Variants in ZNF367 observed in about 807,000 individuals in gnomAD.
ZNF367 encodes the protein zinc finger protein 367, also known as C2H2 zinc finger protein ZFF29.
A neutral mutation model predicts 31.8 loss-of-function variants in ZNF367; 11 were observed. The ratio of observed to expected loss-of-function variants is 0.35; its 90% CI spans 0.22 to 0.57. The LOEUF (loss-of-function observed/expected upper bound fraction) is 0.57, where lower values mean the gene tolerates loss of function less well. ZNF367 is among the 20% of genes least tolerant of loss of function. The pLI, the probability that ZNF367 is intolerant of heterozygous loss-of-function variation, is 0.85. For missense variants in ZNF367, 353 were observed against 484.1 expected, an observed-to-expected ratio of 0.73 and a Z score of 2.54; for synonymous variants, 199 against 202.4, an observed-to-expected ratio of 0.98 and a Z score of 0.14.
intron 4 of ZNF367, 116 bp from the exon 5 acceptor site, chr9:96,388,575 G>C: frequency 2.1e-6 from 2 of 938,600 alleles, no homozygotes; most frequent in Non-Finnish European, 1.6e-6. Flanking sequence ...AGTTTATAAA[G>C]TTATAAAGTG....
intron 1 of ZNF367, among the ~76,000 whole-genome samples, chr9:96,408,055 C>T (rs1340769945): frequency 6.6e-6 from 1 of 151,954 alleles, no homozygotes; most frequent in Non-Finnish European, 1.5e-5. Flanking sequence ...ACACACCGGG[C>T]CTGTCGCGGG....
chr9:96,394,917 A>G lies in ZNF367; in HGVS notation c.597T>C (p.Tyr199=), dbSNP rs1350997461. 3 of 1,613,914 alleles carry G rather than the reference A, an allele frequency of 1.9e-6. No individual in the cohort carries two copies. The highest frequency in any genetic ancestry group is 1.7e-5 in the Admixed American group (1 of 59,990). Residue 199 remains tyrosine (Y), a synonymous_variant, in exon 3 of 5, where the codon TAT becomes TAC. Coordinates refer to ENST00000375256, the MANE Select transcript of ZNF367 (RefSeq NM_153695.4). ...HTGERPYLCD[Y]PDCGKAFVQS... ...GAACAAAGGCTTTTCCACAGTCTGG[A>G]TAGTCACACAGATAGGGCCTCTCAC...
intron 3 of ZNF367, among the ~76,000 whole-genome samples, chr9:96,393,289 C>T (rs750679563): frequency 2.6e-5 from 4 of 152,024 alleles, no homozygotes; most frequent in Admixed American, 6.6e-5. Flanking sequence ...TTTGGGAGGC[C>T]GAGGCGGGTG....
At chr9:96,414,478 T>C (rs748772959) in intron 1 of ZNF367, among the ~76,000 whole-genome samples, 17 of 152,086 alleles carry the variant, frequency 1.1e-4, no homozygotes, top group Non-Finnish European at 5.9e-5. Context: ...CCATGCATCT[T>C]GTTAGCAATT....
At chr9:96,392,859 C>T (rs1013495329) in intron 3 of ZNF367, among the ~76,000 whole-genome samples, 5 of 151,608 alleles carry the variant, frequency 3.3e-5, no homozygotes, top group Non-Finnish European at 4.4e-5. Context: ...CCGAGGCAGG[C>T]GAATCACTTG....
At chr9:96,393,792 T>C (rs1384314381) in intron 3 of ZNF367, among the ~76,000 whole-genome samples, 2 of 150,416 alleles carry the variant, frequency 1.3e-5, no homozygotes, top group African/African-American at 4.9e-5. Context: ...GATGGCGCCA[T>C]TGCACTCCAG....
At chr9:96,415,515 T>A (rs1379582749) in intron 1 of ZNF367, among the ~76,000 whole-genome samples, 1 of 105,642 alleles carries the variant, frequency 9.5e-6, no homozygotes, top group African/African-American at 4.0e-5. Flanking sequence ...TTTTTTTTTT[T>A]GAGACGGAGT....
intron 1 of ZNF367, among the ~76,000 whole-genome samples, chr9:96,416,817 TAC>T (rs1398002648): frequency 2.0e-5 from 3 of 152,220 alleles, no homozygotes; most frequent in Non-Finnish European, 4.4e-5. Context: ...ACCTGGAGCT[TAC>T]AGTCTACAGA....
chr9:96,388,848 G>A (rs1831435809), intron 4 of ZNF367, among the ~76,000 whole-genome samples: 2 of 152,234 alleles, frequency 1.3e-5, no homozygotes, highest in South Asian at 2.1e-4. Flanking sequence ...CAGCGTTAAC[G>A]CTGTAAATAT....
chr9:96,395,055 TGTCATGGCCCCTACTGAGCTGCA>T, intron 2 of ZNF367, 113 bp from the exon 3 acceptor site: 1 of 1,180,670 alleles, frequency 8.5e-7, no homozygotes, highest in South Asian at 1.5e-5. Context: ...CAATAAAACA[TGTCATGGCCCCTACTGAGCTGCA>T]GGTGGAAATG....
chr9:96,390,920 C>T (rs1163292979), intron 4 of ZNF367, among the ~76,000 whole-genome samples: 2 of 147,770 alleles, frequency 1.4e-5, no homozygotes, highest in African/African-American at 5.0e-5. Flanking sequence ...CAAGGATGAC[C>T]AGTAAGCTTC....
intron 1 of ZNF367, among the ~76,000 whole-genome samples, chr9:96,416,672 T>C (rs939364343): frequency 6.6e-6 from 1 of 152,214 alleles, no homozygotes; most frequent in Admixed American, 6.5e-5. Flanking sequence ...ACTTAACAAA[T>C]GGAACCTGGA....
chr9:96,400,675 G>A (rs1254722544), intron 1 of ZNF367, among the ~76,000 whole-genome samples: 1 of 151,878 alleles, frequency 6.6e-6, no homozygotes, highest in African/African-American at 2.4e-5. Flanking sequence ...AAGAAGGAAG[G>A]GAAATCAACA....
chr9:96,405,980 T>A (rs1280819789), intron 1 of ZNF367, among the ~76,000 whole-genome samples: 4 of 152,212 alleles, frequency 2.6e-5, no homozygotes, highest in South Asian at 4.1e-4. Context: ...TGCTATGGGA[T>A]TCAGTTAATA....
chr9:96,418,225 C>A lies in ZNF367; in HGVS notation c.-193G>T. The A allele has an allele frequency of 1.2e-6, 1 of 827,572 alleles. No individual in the cohort carries two copies. Among genetic ancestry groups the A allele is most frequent in the Non-Finnish European group, 1.6e-6 (1 of 616,804 alleles). The allele number at this position is 827,572 out of a possible 1,614,324, so 51.3% of individuals were successfully genotyped here. On this transcript the variant is annotated 5_prime_UTR_variant, in exon 1 of 5. Transcript: ENST00000375256. ...ACCGGCGGGCAGGGCTGGACCCCAG[C>A]CCCAGGTCAAGCGCGCCCTCCGCTC... is the stretch of plus-strand genomic sequence containing the variant.
chr9:96,386,161 A>G lies in ZNF367; in HGVS notation c.*2076T>C, dbSNP rs185408602. The G allele has an allele frequency of 1.1e-4, 16 of 152,316 alleles. No individual in the cohort carries two copies. The East Asian group carries it at 3.1e-3, about 29-fold the overall frequency. The allele number at this position is 152,316 out of a possible 1,614,324, so 9.4% of individuals were successfully genotyped here. On this transcript the variant is annotated 3_prime_UTR_variant, in exon 5 of 5. Transcript: ENST00000375256. Reference sequence around the variant, plus strand: ...CAAGTATATAGCTTATATCAAAAAGAACATTTTAAATGTTTCTAAATAGTT... The same window carrying G: ...CAAGTATATAGCTTATATCAAAAAGGACATTTTAAATGTTTCTAAATAGTT...
chr9:96,408,245 A>G (rs555654691), intron 1 of ZNF367, among the ~76,000 whole-genome samples: 1 of 152,344 alleles, frequency 6.6e-6, no homozygotes, highest in Non-Finnish European at 1.5e-5. Flanking sequence ...TTTAAAAAAC[A>G]ATGTGGGAAG....
chr9:96,389,422 C>A (rs550385570), intron 4 of ZNF367, among the ~76,000 whole-genome samples: 2 of 151,446 alleles, frequency 1.3e-5, no homozygotes, highest in Non-Finnish European at 2.9e-5. Flanking sequence ...CAAAAATAAC[C>A]CAAATGCCCA....
intron 4 of ZNF367, among the ~76,000 whole-genome samples, chr9:96,389,025 G>A (rs947475605): frequency 2.0e-5 from 3 of 152,186 alleles, no homozygotes; most frequent in Non-Finnish European, 2.9e-5. Flanking sequence ...TAGGCTGGGC[G>A]CAGTGGCTCA....
Sources: gnomAD v4.1 joint callset for allele counts (sites outside exome capture counted in the v4.1 genomes callset) on GRCh38, gnomAD v4.1.1 for gene constraint, MANE v1.5 for transcripts, NCBI Gene and HGNC (gene_info 2026-07-23, HGNC 2026-07-21) for gene names.